The following NEMP2 variants were observed in gnomAD, a reference collection of about 807,000 sequenced individuals.
NEMP2 encodes UPF0571 transmembrane protein.
NEMP2 carries 53 observed loss-of-function variants against 54.2 expected under a neutral mutation model. The ratio of observed to expected loss-of-function variants is 0.98; its 90% confidence interval spans 0.78 to 1.23. The LOEUF is 1.23. NEMP2 is among the 50% of genes most tolerant of loss of function. The pLI is 0.00. For synonymous variants in NEMP2, 197 were observed against 190.3 expected (o/e 1.04, Z -0.29); for missense variants, 455 against 511.3 (o/e 0.89, Z 1.06).
At chr2:190,645,263 C>T in the NEMP2 span, among the ~76,000 whole-genome samples, 1 of 151,938 alleles carries the variant, frequency 6.6e-6, no homozygotes. Context: ...AATAAAAAAA[C>T]AGAATTTGAT....
chr2:190,516,042 A>T (rs907633412), intron 6 of NEMP2, among the ~76,000 whole-genome samples: 3 of 152,264 alleles, frequency 2.0e-5, no homozygotes, highest in African/African-American at 7.2e-5. Context: ...TCATTACTAC[A>T]GAAAACTAAG....
the NEMP2 span, among the ~76,000 whole-genome samples, chr2:190,494,563 C>G: frequency 6.6e-6 from 1 of 152,138 alleles, no homozygotes; most frequent in African/African-American, 2.4e-5. This position sits in a 1 kb window ranked among gnomAD's most constrained non-coding sequence, Gnocchi z 5.7. Flanking sequence ...AAACTACAGA[C>G]CAATATCCCT....
chr2:190,557,644 C>T, the NEMP2 span, among the ~76,000 whole-genome samples: 1 of 152,036 alleles, frequency 6.6e-6, no homozygotes, highest in Non-Finnish European at 1.5e-5. Flanking sequence ...AAAACAACCC[C>T]ATCAAAAAGT....
At chr2:190,643,128 C>T in the NEMP2 span, among the ~76,000 whole-genome samples, 1 of 147,400 alleles carries the variant, frequency 6.8e-6, no homozygotes, top group Non-Finnish European at 1.5e-5. Flanking sequence ...TTCTTAAAAC[C>T]CCTTTTAAAC....
At chr2:190,438,492 G>A in the NEMP2 span, among the ~76,000 whole-genome samples, 1 of 152,278 alleles carries the variant, frequency 6.6e-6, no homozygotes, top group Middle Eastern at 3.4e-3. This position sits in a 1 kb window ranked among gnomAD's most constrained non-coding sequence, Gnocchi z 5.2. Context: ...CACCAGCCTG[G>A]GCAACAGAGT....
At chr2:190,610,951 C>T in the NEMP2 span, 1 of 152,170 alleles carries the variant, frequency 6.6e-6, no homozygotes, top group South Asian at 2.1e-4. This position sits in a 1 kb window ranked among gnomAD's most constrained non-coding sequence, Gnocchi z 5.4. Flanking sequence ...GAGTCCTGAA[C>T]GTTTTTCCTC....
rs894605177 is a variant in NEMP2 at position 190,504,694 on chromosome 2, C to T, written c.*4495G>A. 1 of 152,132 alleles carries T rather than the reference C, an allele frequency of 6.6e-6. No individual in the cohort carries two copies. The highest frequency in any genetic ancestry group is 2.4e-5 in the African/African-American group (1 of 41,424). The allele number at this position is 152,132 out of a possible 1,614,324, so 9.4% of individuals were successfully genotyped here. The stretch of plus-strand genomic sequence containing the variant: ...CATTTAACAAATTATATACCATACT[C>T]TCTCCAATAGTCAGTGTAGGATGCT... On this transcript the variant is annotated 3_prime_UTR_variant, in exon 9 of 9. Coordinates refer to ENST00000409150, the MANE Select transcript of NEMP2 (RefSeq NM_001142645.2). The surrounding 1 kb of genome is among the most constrained non-coding windows in gnomAD (Gnocchi z 5.6).
the NEMP2 span, among the ~76,000 whole-genome samples, chr2:190,614,144 C>T: frequency 1.3e-5 from 2 of 152,106 alleles, no homozygotes; most frequent in Non-Finnish European, 2.9e-5. The surrounding 1 kb of genome is among the most constrained non-coding windows in gnomAD (Gnocchi z 5.7). Flanking sequence ...ATAAGACCTC[C>T]TTTTCCCTAT....
the NEMP2 span, among the ~76,000 whole-genome samples, chr2:190,616,085 G>A: frequency 1.3e-5 from 2 of 152,156 alleles, no homozygotes; most frequent in African/African-American, 4.8e-5. This position sits in a 1 kb window ranked among gnomAD's most constrained non-coding sequence, Gnocchi z 5.1. Flanking sequence ...TTTAATTTCA[G>A]GCCCGAGTTC....
the NEMP2 span, among the ~76,000 whole-genome samples, chr2:190,571,589 C>T: frequency 6.6e-6 from 1 of 151,784 alleles, no homozygotes; most frequent in Non-Finnish European, 1.5e-5. Flanking sequence ...CCTTTAGACT[C>T]ATAAGTAGCT....
chr2:190,440,286 C>T, the NEMP2 span, among the ~76,000 whole-genome samples: 68 of 152,290 alleles, frequency 4.5e-4, no homozygotes, highest in African/African-American at 1.6e-3. Context: ...CAACCAGTTT[C>T]TCAGGGACTG....
chr2:190,526,927 CTG>C (rs1331514705), intron 1 of NEMP2, among the ~76,000 whole-genome samples: 2 of 152,064 alleles, frequency 1.3e-5, no homozygotes, highest in Non-Finnish European at 2.9e-5. Context: ...TATTAACCCT[CTG>C]TGTTACAGAG....
chr2:190,428,925 G>A, the NEMP2 span, among the ~76,000 whole-genome samples: 6 of 152,016 alleles, frequency 3.9e-5, no homozygotes, highest in East Asian at 3.9e-4. Flanking sequence ...CACCTCCCTC[G>A]GCCTCTCAAA....
At chr2:190,450,481 C>CT in the NEMP2 span, among the ~76,000 whole-genome samples, 1 of 103,106 alleles carries the variant, frequency 9.7e-6, no homozygotes, top group African/African-American at 3.3e-5. Context: ...TTCTTTTTCT[C>CT]TTTTTCCTTT....
the NEMP2 span, among the ~76,000 whole-genome samples, chr2:190,621,478 A>T: frequency 6.6e-6 from 1 of 152,242 alleles, no homozygotes; most frequent in African/African-American, 2.4e-5. Flanking sequence ...ACATGACTGT[A>T]AATGGAAGAC....
chr2:190,472,187 C>T, the NEMP2 span, among the ~76,000 whole-genome samples: 4 of 152,210 alleles, frequency 2.6e-5, no homozygotes, highest in African/African-American at 9.7e-5. Flanking sequence ...GAGCACCTCT[C>T]CTCCTCCAAA....
the NEMP2 span, among the ~76,000 whole-genome samples, chr2:190,562,290 G>A: frequency 4.8e-4 from 73 of 152,296 alleles, no homozygotes; most frequent in Admixed American, 2.2e-3. The surrounding 1 kb of genome is among the most constrained non-coding windows in gnomAD (Gnocchi z 5.0). Context: ...GTTACACAGT[G>A]AGCTAAGTGT....
chr2:190,468,487 C>G, the NEMP2 span, among the ~76,000 whole-genome samples: 1 of 147,186 alleles, frequency 6.8e-6, no homozygotes, highest in African/African-American at 2.5e-5. Context: ...GGGTCTTGCT[C>G]TGTTTGCCAG....
chr2:190,447,211 T>G, the NEMP2 span, among the ~76,000 whole-genome samples: 33 of 152,302 alleles, frequency 2.2e-4, no homozygotes, highest in African/African-American at 7.9e-4. This position sits in a 1 kb window ranked among gnomAD's most constrained non-coding sequence, Gnocchi z 4.5. Flanking sequence ...TAATTAGAGC[T>G]TTTCTAATCA....
Sources: gnomAD v4.1 joint callset for allele counts (sites outside exome capture counted in the v4.1 genomes callset) on GRCh38, gnomAD v4.1.1 for gene constraint, Gnocchi (gnomAD v3.1) non-coding constraint, MANE v1.5 for transcripts, NCBI Gene and HGNC (gene_info 2026-07-23, HGNC 2026-07-21) for gene names.